Variants in SCRG1 observed in about 807,000 individuals in gnomAD.
SCRG1 encodes scrapie-responsive protein 1.
Under a neutral mutation model 7.7 loss-of-function variants are expected in SCRG1, and 3 were observed. The observed-to-expected ratio is 0.39, with a 90% CI of 0.18 to 1.01. SCRG1 has a LOEUF of 1.01. Among genes scored for constraint, SCRG1 ranks in the 50% least tolerant of loss-of-function variants. SCRG1 has a pLI of 0.36. For synonymous variants in SCRG1, 46 were observed against 41.2 expected (o/e 1.12, Z -0.44); for missense variants, 110 against 117.2 (o/e 0.94, Z 0.28).
At chr4:173,395,450 C>G (rs1445321349) in intron 1 of SCRG1, among the ~76,000 whole-genome samples, 1 of 152,216 alleles carries the variant, frequency 6.6e-6, no homozygotes, top group East Asian at 1.9e-4. Flanking sequence ...TGTCTCCATG[C>G]CTATCATTTA....
At chr4:173,517,283 C>G in the SCRG1 span, among the ~76,000 whole-genome samples, 1 of 152,206 alleles carries the variant, frequency 6.6e-6, no homozygotes, top group Non-Finnish European at 1.5e-5. Flanking sequence ...GCACAGGAAC[C>G]TTTTACAAGG....
chr4:173,448,511 T>C, the SCRG1 span, among the ~76,000 whole-genome samples: 1 of 152,356 alleles, frequency 6.6e-6, no homozygotes, highest in East Asian at 1.9e-4. Flanking sequence ...CCGACAAGCC[T>C]GAAATGACCC....
the SCRG1 span, among the ~76,000 whole-genome samples, chr4:173,434,536 T>C: frequency 6.6e-6 from 1 of 152,172 alleles, no homozygotes; most frequent in Non-Finnish European, 1.5e-5. Flanking sequence ...TTTGGTTTAA[T>C]AAATAACTAA....
At chr4:173,400,297 G>T (rs1023370546), upstream of SCRG1, among the ~76,000 whole-genome samples, 2 of 152,166 alleles carry the variant, frequency 1.3e-5, no homozygotes, top group African/African-American at 4.8e-5. Context: ...TCAAAGGCTT[G>T]GGCCTTTGGA....
At chr4:173,473,047 A>T in the SCRG1 span, among the ~76,000 whole-genome samples, 5 of 152,368 alleles carry the variant, frequency 3.3e-5, no homozygotes, top group South Asian at 1.0e-3. Context: ...AGCCATTGCA[A>T]CATTATCTTC....
the SCRG1 span, among the ~76,000 whole-genome samples, chr4:173,439,264 G>A: frequency 6.6e-6 from 1 of 151,914 alleles, no homozygotes; most frequent in African/African-American, 2.4e-5. Flanking sequence ...AAGATTTTTG[G>A]GCCTATAATC....
chr4:173,464,177 T>A, the SCRG1 span, among the ~76,000 whole-genome samples: 2 of 152,160 alleles, frequency 1.3e-5, no homozygotes, highest in African/African-American at 2.4e-5. Flanking sequence ...TGAAATTACC[T>A]AAATAATGAA....
At chr4:173,485,200 T>A in the SCRG1 span, among the ~76,000 whole-genome samples, 1 of 30,494 alleles carries the variant, frequency 3.3e-5, no homozygotes, top group Non-Finnish European at 1.1e-4. Flanking sequence ...GTAATATATA[T>A]GATATATTAT....
At chr4:173,419,400 C>G in the SCRG1 span, 1 of 1,219,224 alleles carries the variant, frequency 8.2e-7, no homozygotes, top group South Asian at 1.3e-5. Context: ...TTCTCTCGTA[C>G]AGCAGCATGA....
chr4:173,502,386 G>T, the SCRG1 span, among the ~76,000 whole-genome samples: 1 of 152,224 alleles, frequency 6.6e-6, no homozygotes, highest in African/African-American at 2.4e-5. The surrounding 1 kb of genome is among the most constrained non-coding windows in gnomAD (Gnocchi z 4.6). Flanking sequence ...TCCATACCCG[G>T]TGTTGAGGTG....
the SCRG1 span, among the ~76,000 whole-genome samples, chr4:173,436,177 C>T: frequency 1.3e-5 from 2 of 152,116 alleles, no homozygotes; most frequent in African/African-American, 4.8e-5. Flanking sequence ...TGGGTTAGTT[C>T]GTGTTACTTA....
chr4:173,479,356 C>A, the SCRG1 span, among the ~76,000 whole-genome samples: 1 of 151,994 alleles, frequency 6.6e-6, no homozygotes, highest in Non-Finnish European at 1.5e-5. Flanking sequence ...TTGAATATAC[C>A]CAGCTGATGA....
upstream of SCRG1, chr4:173,403,110 A>G (rs1038222393): frequency 2.6e-5 from 4 of 152,192 alleles, no homozygotes; most frequent in Non-Finnish European, 5.9e-5. Context: ...GTTGAACAAC[A>G]TAACCTCTAT....
At chr4:173,481,899 T>C in the SCRG1 span, among the ~76,000 whole-genome samples, 3 of 152,124 alleles carry the variant, frequency 2.0e-5, no homozygotes, top group African/African-American at 7.2e-5. Context: ...AGTCGAAAGT[T>C]ACACTCAGAT....
the SCRG1 span, among the ~76,000 whole-genome samples, chr4:173,434,137 AG>A: frequency 1.3e-5 from 2 of 152,194 alleles, no homozygotes; most frequent in African/African-American, 2.4e-5. Context: ...CAGGGTGGGA[AG>A]GTGGGTAGAG....
At chr4:173,422,183 C>G in the SCRG1 span, among the ~76,000 whole-genome samples, 2 of 152,202 alleles carry the variant, frequency 1.3e-5, no homozygotes, top group African/African-American at 4.8e-5. Flanking sequence ...AGTAAGTGGA[C>G]TGTTACAGGA....
In SCRG1 at chr4:173,386,000, A is replaced by G. The variant is rs1287457983; in HGVS notation, c.*2341T>C. The G allele has an allele frequency of 1.3e-5, 2 of 152,244 alleles. No homozygotes were observed. The highest frequency in any genetic ancestry group is 2.9e-5 in the Non-Finnish European group (2 of 68,038). The allele number at this position is 152,244 out of a possible 1,614,324, so 9.4% of individuals were successfully genotyped here. On this transcript the variant is annotated 3_prime_UTR_variant, in exon 3 of 3. Coordinates refer to ENST00000296506, the MANE Select transcript of SCRG1 (RefSeq NM_007281.4). ...CAATTCAGTGAAGAAAGAAAGGCCA[A>G]TCAAATCACATGCTATCTTGATAAA...
chr4:173,437,825 C>T, the SCRG1 span, among the ~76,000 whole-genome samples: 1 of 152,126 alleles, frequency 6.6e-6, no homozygotes, highest in Non-Finnish European at 1.5e-5. Flanking sequence ...TATAGAAACA[C>T]GGATTTAAAA....
At chr4:173,518,066 G>GA in the SCRG1 span, among the ~76,000 whole-genome samples, 1 of 152,200 alleles carries the variant, frequency 6.6e-6, no homozygotes, top group Non-Finnish European at 1.5e-5. Flanking sequence ...GTATCTTGAA[G>GA]AAAAAAGAAA....
Sources: gnomAD v4.1 joint callset for allele counts (sites outside exome capture counted in the v4.1 genomes callset) on GRCh38, gnomAD v4.1.1 for gene constraint, Gnocchi (gnomAD v3.1) non-coding constraint, MANE v1.5 for transcripts, NCBI Gene and HGNC (gene_info 2026-07-23, HGNC 2026-07-21) for gene names.